KLF12: variants seen among roughly 807,000 people sequenced by gnomAD.
KLF12 encodes Krueppel-like factor 12.
KLF12 carries 9 observed loss-of-function variants against 37.8 expected under a neutral mutation model. The observed-to-expected ratio is 0.24, with a 90% confidence interval of 0.14 to 0.42. The LOEUF (loss-of-function observed/expected upper bound fraction) is 0.42. Among genes scored for constraint, KLF12 ranks in the 10% least tolerant of loss-of-function variants. The probability of loss-of-function intolerance (pLI) is 1.00; values close to 1 mark genes in which losing one functional copy is unlikely to be tolerated. For synonymous variants in KLF12, 208 were observed against 202.1 expected (o/e 1.03, Z -0.25); for missense variants, 411 against 516.0 (o/e 0.80, Z 1.97).
At chr13:74,186,090 T>G in the KLF12 span, among the ~76,000 whole-genome samples, 2 of 152,138 alleles carry the variant, frequency 1.3e-5, no homozygotes, top group African/African-American at 4.8e-5. Flanking sequence ...TGATAACGTA[T>G]TCTTTAAATG....
intron 3 of KLF12, among the ~76,000 whole-genome samples, chr13:73,930,290 T>C (rs1229853049): frequency 6.6e-6 from 1 of 152,196 alleles, no homozygotes; most frequent in Non-Finnish European, 1.5e-5. Flanking sequence ...CAAATATCTA[T>C]TAAATAAACT....
At chr13:74,064,227 C>T (rs565931611) in intron 1 of KLF12, among the ~76,000 whole-genome samples, 9 of 152,286 alleles carry the variant, frequency 5.9e-5, no homozygotes, top group African/African-American at 2.2e-4. Flanking sequence ...AGAAAAACAT[C>T]ACAGGGATTC....
chr13:73,999,253 G>A (rs1359424946), intron 1 of KLF12, among the ~76,000 whole-genome samples: 1 of 152,098 alleles, frequency 6.6e-6, no homozygotes, highest in Non-Finnish European at 1.5e-5. Context: ...TAGGGTAGGT[G>A]GAGTCCATAA....
At chr13:73,905,805 CTT>C (rs2139116790) in intron 3 of KLF12, among the ~76,000 whole-genome samples, 1 of 149,862 alleles carries the variant, frequency 6.7e-6, no homozygotes, top group South Asian at 2.1e-4. Context: ...GGCTTCTCTA[CTT>C]GAAAGTTTCA....
At chr13:73,963,317 ACACG>A (rs781254916) in intron 2 of KLF12, among the ~76,000 whole-genome samples, 8 of 134,438 alleles carry the variant, frequency 6.0e-5, no homozygotes, top group African/African-American at 1.6e-4. Context: ...ACACACACAC[ACACG>A]TATATATGCT....
At chr13:73,975,811 C>T (rs546515294) in intron 2 of KLF12, among the ~76,000 whole-genome samples, 1 of 152,226 alleles carries the variant, frequency 6.6e-6, no homozygotes, top group South Asian at 2.1e-4. Flanking sequence ...TTTGGCTTAC[C>T]TCTAATCATC....
chr13:73,698,292 A>G (rs1874292425), intron 7 of KLF12, among the ~76,000 whole-genome samples: 1 of 152,116 alleles, frequency 6.6e-6, no homozygotes, highest in African/African-American at 2.4e-5. Flanking sequence ...GGGGTTCCAT[A>G]ACAGGAGTGC....
chr13:74,031,611 A>G (rs1358726661), intron 1 of KLF12, among the ~76,000 whole-genome samples: 2 of 152,120 alleles, frequency 1.3e-5, no homozygotes, highest in Non-Finnish European at 2.9e-5. Flanking sequence ...CTTTTTTTAT[A>G]TGTACCGTTA....
intron 1 of KLF12, among the ~76,000 whole-genome samples, chr13:74,059,072 G>A (rs1286071460): frequency 1.3e-5 from 2 of 152,134 alleles, no homozygotes; most frequent in Non-Finnish European, 2.9e-5. Flanking sequence ...ATTTCACTTA[G>A]GATAGTGGCC....
the KLF12 span, among the ~76,000 whole-genome samples, chr13:74,201,541 A>G: frequency 3.4e-4 from 52 of 152,276 alleles, no homozygotes; most frequent in African/African-American, 1.2e-3. Flanking sequence ...GACACCTCCT[A>G]TAAGTTCTTT....
intron 1 of KLF12, among the ~76,000 whole-genome samples, chr13:74,010,798 T>A (rs1199532064): frequency 6.6e-6 from 1 of 152,176 alleles, no homozygotes; most frequent in Non-Finnish European, 1.5e-5. Flanking sequence ...AGTTAATAAA[T>A]ACAACCAGAT....
chr13:74,172,782 G>C, the KLF12 span, among the ~76,000 whole-genome samples: 1 of 152,172 alleles, frequency 6.6e-6, no homozygotes, highest in African/African-American at 2.4e-5. Flanking sequence ...AGAAGAGCAT[G>C]GGCGACCTGA....
At chr13:73,849,534 T>C (rs960456254) in intron 3 of KLF12, among the ~76,000 whole-genome samples, 1 of 151,844 alleles carries the variant, frequency 6.6e-6, no homozygotes, top group Non-Finnish European at 1.5e-5. Flanking sequence ...ATACTTAGAA[T>C]AGTGAAAATT....
At chr13:73,930,859 C>CTT (rs1371756553) in intron 3 of KLF12, among the ~76,000 whole-genome samples, 2 of 108,866 alleles carry the variant, frequency 1.8e-5, no homozygotes, top group African/African-American at 3.3e-5. Flanking sequence ...TAACTGGAAA[C>CTT]ATTTTTTTTT....
At chr13:74,078,229 AT>A (rs1215911256) in intron 1 of KLF12, among the ~76,000 whole-genome samples, 9 of 152,176 alleles carry the variant, frequency 5.9e-5, no homozygotes, top group Non-Finnish European at 1.0e-4. Context: ...AAAAGCCAAA[AT>A]TCCATGCATA....
intron 3 of KLF12, among the ~76,000 whole-genome samples, chr13:73,892,880 T>C (rs1887578127): frequency 2.0e-5 from 3 of 152,222 alleles, no homozygotes; most frequent in African/African-American, 7.2e-5. Context: ...TACTACTCTT[T>C]AACCATAACT....
intron 1 of KLF12, among the ~76,000 whole-genome samples, chr13:74,129,979 C>T (rs1451440564): frequency 6.6e-6 from 1 of 152,132 alleles, no homozygotes; most frequent in African/African-American, 2.4e-5. Context: ...TGAATTCTGG[C>T]GGGTGGAAGT....
In KLF12 at chr13:73,696,074, C is replaced by A. The variant is rs112882324; in HGVS notation, c.1028-403G>T. Among the ~76,000 whole-genome samples the A allele has an allele frequency of 4.5e-3, 672 of 150,154 alleles. 2 individuals carry two copies. The highest frequency in any genetic ancestry group is 8.1e-3 in the Non-Finnish European group (547 of 67,656). On this transcript the variant is annotated intron_variant, in intron 7 of 7. Transcript: ENST00000377669. ...GTTATGCCTTGTTTCAACACCCCCC[C>A]ACGCTTCCCCCTACCAACTGTGCAT... is the stretch of plus-strand genomic sequence containing the variant.
the KLF12 span, among the ~76,000 whole-genome samples, chr13:74,280,652 C>T: frequency 2.0e-5 from 3 of 152,128 alleles, no homozygotes; most frequent in South Asian, 2.1e-4. Flanking sequence ...AAAGTACCCT[C>T]GTGGTGTACC....
Sources: gnomAD v4.1 joint callset for allele counts (sites outside exome capture counted in the v4.1 genomes callset) on GRCh38, gnomAD v4.1.1 for gene constraint, MANE v1.5 for transcripts, NCBI Gene and HGNC (gene_info 2026-07-23, HGNC 2026-07-21) for gene names.